Variants in GLIS3 observed in about 807,000 individuals in gnomAD.
GLIS3 encodes zinc finger protein GLIS3.
A neutral mutation model predicts 78.6 loss-of-function variants in GLIS3; 53 were observed. The observed-to-expected ratio is 0.67, with a 90% CI of 0.54 to 0.85. GLIS3 has a LOEUF of 0.85. GLIS3 is among the 40% of genes least tolerant of loss of function. The pLI is 0.00. For synonymous variants in GLIS3, 684 were observed against 509.9 expected (o/e 1.34, Z -4.60); for missense variants, 1,703 against 1,231.1 (o/e 1.38, Z -5.74).
intron 2 of GLIS3, among the ~76,000 whole-genome samples, chr9:4,227,185 G>C (rs1350336938): frequency 6.6e-6 from 1 of 151,656 alleles, no homozygotes; most frequent in African/African-American, 2.4e-5. Flanking sequence ...AGCACCCCTA[G>C]TTTTCTCTTC....
At chr9:4,096,055 G>C (rs1261092633) in intron 4 of GLIS3, among the ~76,000 whole-genome samples, 2 of 135,280 alleles carry the variant, frequency 1.5e-5, no homozygotes, top group Non-Finnish European at 3.2e-5. Context: ...TGTCACAATA[G>C]AAACACATCT....
At chr9:4,341,801 C>G (rs185692182) in intron 2 of GLIS3, among the ~76,000 whole-genome samples, 1 of 152,186 alleles carries the variant, frequency 6.6e-6, no homozygotes, top group Non-Finnish European at 1.5e-5. Flanking sequence ...AATGGGATCT[C>G]CGCTTTTTTT....
intron 7 of GLIS3, among the ~76,000 whole-genome samples, chr9:3,887,118 G>A (rs189174257): frequency 1.3e-5 from 2 of 152,198 alleles, no homozygotes; most frequent in Non-Finnish European, 2.9e-5. Flanking sequence ...TATTATTTCT[G>A]CCTGTCTTTT....
At chr9:4,459,029 A>T in the GLIS3 span, among the ~76,000 whole-genome samples, 1 of 152,114 alleles carries the variant, frequency 6.6e-6, no homozygotes, top group Admixed American at 6.6e-5. Context: ...TTACTCTGGG[A>T]TGGCAAGTCA....
the GLIS3 span, among the ~76,000 whole-genome samples, chr9:4,455,454 G>T: frequency 6.6e-6 from 1 of 152,124 alleles, no homozygotes; most frequent in African/African-American, 2.4e-5. Flanking sequence ...AGTAAAAAGA[G>T]CCTGTACTGA....
Position 4,186,333 on chromosome 9 carries a change from C to A in GLIS3, c.389-60392G>T, listed in dbSNP as rs540200495. ...TCCCTACAAAGGACATGAACTCATC[C>A]TTTTTTATGGCTGCATAGTATTCCA... On this transcript the variant is annotated intron_variant, in intron 2 of 10. Coordinates refer to ENST00000381971, the MANE Select transcript of GLIS3 (RefSeq NM_001042413.2). 3.0e-3 allele frequency among the ~76,000 whole-genome samples: 452 copies of A among 151,946 alleles called. 2 individuals are homozygous for A. The highest frequency in any genetic ancestry group is 0.01 in the African/African-American group (419 of 41,414).
chr9:4,218,284 T>C (rs1226296956), intron 2 of GLIS3, among the ~76,000 whole-genome samples: 1 of 151,794 alleles, frequency 6.6e-6, no homozygotes, highest in Non-Finnish European at 1.5e-5. Flanking sequence ...AGCTGTTTGG[T>C]TGAACTTTTT....
chr9:3,843,028 C>G (rs1588069020), intron 9 of GLIS3, among the ~76,000 whole-genome samples: 1 of 152,168 alleles, frequency 6.6e-6, no homozygotes, highest in Non-Finnish European at 1.5e-5. Context: ...GCCTGGCTCT[C>G]TCTCCCAATG....
chr9:4,307,465 C>G (rs1817256402), intron 4 of GLIS3, among the ~76,000 whole-genome samples: 1 of 152,146 alleles, frequency 6.6e-6, no homozygotes, highest in African/African-American at 2.4e-5. Context: ...ACAGGATGAC[C>G]TTTACTATCC....
chr9:4,270,886 GTGGTGTGTGTGTGT>G (rs1329237462), intron 2 of GLIS3, among the ~76,000 whole-genome samples: 1 of 134,150 alleles, frequency 7.5e-6, no homozygotes, highest in Admixed American at 7.7e-5. Context: ...CTCAATCTGT[GTGGTGTGTGTGTGT>G]GTGTGTGTGT....
intron 2 of GLIS3, among the ~76,000 whole-genome samples, chr9:4,258,916 T>G (rs13286543): frequency 0.14 from 21,762 of 152,170 alleles, 1,685 homozygotes; most frequent in Non-Finnish European, 0.16. Context: ...CCTCTGTACT[T>G]TTCCAATCGT....
the GLIS3 span, among the ~76,000 whole-genome samples, chr9:4,394,156 C>G: frequency 6.7e-6 from 1 of 150,032 alleles, no homozygotes; most frequent in Admixed American, 6.7e-5. Flanking sequence ...GATTGCTAAC[C>G]GTGAGGACCC....
intron 4 of GLIS3, among the ~76,000 whole-genome samples, chr9:4,062,928 CAAAA>C (rs879931011): frequency 7.8e-6 from 1 of 127,528 alleles, no homozygotes; most frequent in African/African-American, 2.9e-5. Context: ...GACTCCATTT[CAAAA>C]AAAAAAAAAG....
chr9:4,165,689 G>C (rs1835829428), intron 2 of GLIS3, among the ~76,000 whole-genome samples: 1 of 152,214 alleles, frequency 6.6e-6, no homozygotes, highest in Non-Finnish European at 1.5e-5. Context: ...TTTTGAACAA[G>C]TTGAGTATGA....
the GLIS3 span, among the ~76,000 whole-genome samples, chr9:4,355,298 C>A: frequency 9.2e-4 from 140 of 152,178 alleles, no homozygotes; most frequent in Non-Finnish European, 1.8e-3. Flanking sequence ...CCTCCTTGAG[C>A]CTCAGGTTGG....
chr9:4,336,771 T>G lies in GLIS3; in HGVS notation n.264+10310A>C, dbSNP rs1192125139. Among the ~76,000 whole-genome samples, 3 of 152,164 alleles carry G rather than the reference T, an allele frequency of 2.0e-5. No homozygotes were observed. In the East Asian group the frequency reaches 5.8e-4, roughly 29 times the overall value. Reference sequence around the variant, plus strand: ...AGTCCTATACAATTTGTATATTCCTTTAGTTGGCAAGTTTTTATGATAGTA... The same window carrying G: ...AGTCCTATACAATTTGTATATTCCTGTAGTTGGCAAGTTTTTATGATAGTA... On this transcript the variant is annotated intron_variant and non_coding_transcript_variant, in intron 2 of 4. Coordinates refer to the GLIS3 transcript ENST00000471664.
chr9:4,238,312 G>A (rs1390708391), intron 2 of GLIS3, among the ~76,000 whole-genome samples: 1 of 152,088 alleles, frequency 6.6e-6, no homozygotes, highest in Non-Finnish European at 1.5e-5. Context: ...CAGAATAGAT[G>A]ACACAGAAGG....
At chr9:4,046,815 G>T (rs1005686604) in intron 4 of GLIS3, among the ~76,000 whole-genome samples, 3 of 152,122 alleles carry the variant, frequency 2.0e-5, no homozygotes, top group African/African-American at 7.2e-5. Context: ...GAGAGACATG[G>T]CAATTCTTCT....
At chr9:4,441,661 C>T in the GLIS3 span, among the ~76,000 whole-genome samples, 1 of 152,078 alleles carries the variant, frequency 6.6e-6, no homozygotes, top group East Asian at 1.9e-4. Context: ...GGCTGGAATG[C>T]AGTCATGTGA....
Sources: gnomAD v4.1 joint callset for allele counts (sites outside exome capture counted in the v4.1 genomes callset) on GRCh38, gnomAD v4.1.1 for gene constraint, MANE v1.5 for transcripts, NCBI Gene and HGNC (gene_info 2026-07-23, HGNC 2026-07-21) for gene names.